CDYL: variants seen among roughly 807,000 people sequenced by gnomAD.
The protein encoded by CDYL is chromodomain Y-like protein.
Under a neutral mutation model 47.3 loss-of-function variants are expected in CDYL, and 8 were observed. The ratio of observed to expected loss-of-function variants is 0.17; its 90% CI spans 0.10 to 0.31. The LOEUF is 0.31. CDYL is among the 10% of genes least tolerant of loss of function. CDYL has a pLI of 1.00. For synonymous variants in CDYL, 266 were observed against 265.0 expected (o/e 1.00, Z -0.04); for missense variants, 471 against 701.4 (o/e 0.67, Z 3.71).
chr6:4,913,282 CA>C (rs1158535491), intron 2 of CDYL, among the ~76,000 whole-genome samples: 2 of 151,992 alleles, frequency 1.3e-5, no homozygotes, highest in African/African-American at 4.8e-5. Flanking sequence ...TTTTTTATTT[CA>C]GGGGTGGTTT....
intron 4 of CDYL, among the ~76,000 whole-genome samples, chr6:4,943,158 T>C (rs933363250): frequency 6.6e-6 from 1 of 152,182 alleles, no homozygotes; most frequent in Non-Finnish European, 1.5e-5. Context: ...TGACAGCTTC[T>C]TGATTTGTCT....
chr6:4,865,242 A>G (rs1761287794), intron 1 of CDYL, among the ~76,000 whole-genome samples: 1 of 151,886 alleles, frequency 6.6e-6, no homozygotes, highest in Non-Finnish European at 1.5e-5. Context: ...ATCCTGGGTC[A>G]CCTGTTCTGT....
At chr6:4,832,335 A>G (rs1351886654) in intron 1 of CDYL, among the ~76,000 whole-genome samples, 1 of 151,876 alleles carries the variant, frequency 6.6e-6, no homozygotes, top group African/African-American at 2.4e-5. Context: ...TGAGATAATC[A>G]TGTGGTTTTT....
chr6:4,760,707 G>A (rs1004756796), intron 3 of CDYL, among the ~76,000 whole-genome samples: 1 of 152,158 alleles, frequency 6.6e-6, no homozygotes, highest in Non-Finnish European at 1.5e-5. Flanking sequence ...CCAAGAGGAA[G>A]CCTGACAAGA....
intron 1 of CDYL, among the ~76,000 whole-genome samples, chr6:4,808,575 G>A (rs1022969957): frequency 3.3e-5 from 5 of 152,134 alleles, no homozygotes; most frequent in Non-Finnish European, 7.3e-5. Context: ...AATCTGGCCC[G>A]CTTGATGTTT....
chr6:4,951,878 C>T (rs781024879), intron 5 of CDYL, among the ~76,000 whole-genome samples: 5 of 152,010 alleles, frequency 3.3e-5, no homozygotes, highest in Admixed American at 1.3e-4. Context: ...AGAGCTCACA[C>T]GTGGGAAGGG....
intron 3 of CDYL, among the ~76,000 whole-genome samples, chr6:4,736,679 G>A (rs184626770): frequency 5.9e-5 from 9 of 151,262 alleles, no homozygotes; most frequent in African/African-American, 1.9e-4. Flanking sequence ...TTTCTGCTAC[G>A]CACTTTATTA....
chr6:4,731,519 G>A (rs764299143), intron 2 of CDYL, among the ~76,000 whole-genome samples: 9 of 152,074 alleles, frequency 5.9e-5, no homozygotes, highest in African/African-American at 9.7e-5. Context: ...CCTCCTGGCC[G>A]GGCATGGTGG....
intron 2 of CDYL, among the ~76,000 whole-genome samples, chr6:4,908,306 C>T (rs576533102): frequency 2.6e-5 from 4 of 152,282 alleles, no homozygotes; most frequent in South Asian, 2.1e-4. Context: ...GGCAGGCCAT[C>T]CAGGCCGTGT....
At chr6:4,735,468 G>A (rs1200755205) in intron 3 of CDYL, among the ~76,000 whole-genome samples, 1 of 151,782 alleles carries the variant, frequency 6.6e-6, no homozygotes, top group Non-Finnish European at 1.5e-5. Flanking sequence ...CATACAAAAA[G>A]CTGTACCTAT....
chr6:4,891,367 A>G (rs958405182), intron 1 of CDYL, among the ~76,000 whole-genome samples: 3 of 152,138 alleles, frequency 2.0e-5, no homozygotes, highest in African/African-American at 7.2e-5. Flanking sequence ...ATGACCAGGC[A>G]CAGCTGCAGA....
chr6:4,884,744 A>G (rs1761856957), intron 1 of CDYL, among the ~76,000 whole-genome samples: 1 of 145,588 alleles, frequency 6.9e-6, no homozygotes, highest in African/African-American at 2.8e-5. Flanking sequence ...CCCCAAGCTC[A>G]GGGATCCTTT....
intron 3 of CDYL, among the ~76,000 whole-genome samples, chr6:4,739,729 G>C (rs914154360): frequency 8.6e-5 from 13 of 151,948 alleles, no homozygotes; most frequent in African/African-American, 2.4e-4. Flanking sequence ...GAGGCAGGCA[G>C]ATCACCTGAG....
intron 1 of CDYL, among the ~76,000 whole-genome samples, chr6:4,876,802 G>A (rs1174607349): frequency 6.6e-6 from 1 of 152,148 alleles, no homozygotes; most frequent in African/African-American, 2.4e-5. Context: ...CATGAATTTT[G>A]TGGGAATGAC....
At chr6:4,948,830 C>G (rs1229154495) in intron 5 of CDYL, among the ~76,000 whole-genome samples, 1 of 152,254 alleles carries the variant, frequency 6.6e-6, no homozygotes, top group Non-Finnish European at 1.5e-5. Context: ...CGAAGCCTCT[C>G]TACAGAAAGT....
chr6:4,848,187 G>A lies in CDYL; in HGVS notation c.25-43526G>A, dbSNP rs899986181. ...GCAATGTAAGGCAGGGTATTTTTGG[G>A]AGGGGGGTGCTTTATTGTATAGGCA... On this transcript the variant is annotated intron_variant, in intron 1 of 6. Transcript: ENST00000397588. 1.3e-4 allele frequency among the ~76,000 whole-genome samples: 20 copies of A among 152,154 alleles called. 1 individual carries two copies. Among genetic ancestry groups the A allele is most frequent in the Admixed American group, 2.0e-4 (3 of 15,278 alleles).
At position 4,751,133 on chromosome 6, in the gene CDYL, G is replaced by A. The variant is rs139388295; in HGVS notation, c.186+16289G>A. Reference sequence around the variant, plus strand: ...GCCTCCCAAAGTGCTGGGATTACAGGCGTGAGCCACTGCGCCTGGCCAAAA... The same window carrying A: ...GCCTCCCAAAGTGCTGGGATTACAGACGTGAGCCACTGCGCCTGGCCAAAA... On this transcript the variant is annotated intron_variant, in intron 3 of 8. Transcript: ENST00000328908. Among the ~76,000 whole-genome samples, 513 of 152,280 alleles carry A rather than the reference G, an allele frequency of 3.4e-3. 3 individuals carry two copies. Among genetic ancestry groups the A allele is most frequent in the South Asian group, 0.019 (91 of 4,828 alleles).
chr6:4,743,154 G>A (rs978706179), intron 3 of CDYL, among the ~76,000 whole-genome samples: 4 of 152,196 alleles, frequency 2.6e-5, no homozygotes, highest in Non-Finnish European at 5.9e-5. Flanking sequence ...GAAAGAAGTT[G>A]GGTGAGATGG....
At position 4,954,331 on chromosome 6, in the gene CDYL, T is replaced by C; in HGVS notation, c.*275T>C. ...AGTATAAAGGTGAGCACTAGACTGC[T>C]CTTAGAAGCTCTAATTTTTGTTTTC... On this transcript the variant is annotated 3_prime_UTR_variant, in exon 7 of 7. Coordinates refer to ENST00000397588, the MANE Select transcript of CDYL (RefSeq NM_004824.4). 4.1e-6 allele frequency: 1 copy of C among 241,738 alleles called. No homozygotes were observed. The highest frequency in any genetic ancestry group is 7.9e-6 in the Non-Finnish European group (1 of 126,856). 15.0% of individuals were successfully genotyped at this position (241,738 alleles called of 1,614,324 possible). A position where few individuals can be genotyped will look rare whatever the true frequency, so the allele number is the denominator to read the frequency against.
Sources: gnomAD v4.1 joint callset for allele counts (sites outside exome capture counted in the v4.1 genomes callset) on GRCh38, gnomAD v4.1.1 for gene constraint, MANE v1.5 for transcripts, NCBI Gene and HGNC (gene_info 2026-07-23, HGNC 2026-07-21) for gene names.